Variants in CNBD1 observed in about 807,000 individuals in gnomAD.
CNBD1 encodes cyclic nucleotide-binding domain-containing protein 1.
A neutral mutation model predicts 54.4 loss-of-function variants in CNBD1; 71 were observed. That is an observed-to-expected ratio of 1.30 (90% CI 1.08 to 1.59). The LOEUF (loss-of-function observed/expected upper bound fraction) is 1.59. Among genes scored for constraint, CNBD1 ranks in the 40% most tolerant of loss-of-function variants. CNBD1 has a pLI of 0.00. For synonymous variants in CNBD1, 182 were observed against 170.7 expected (o/e 1.07, Z -0.51); for missense variants, 659 against 518.0 (o/e 1.27, Z -2.64).
chr8:87,335,776 G>A (rs760620357), intron 8 of CNBD1, among the ~76,000 whole-genome samples: 6 of 152,166 alleles, frequency 3.9e-5, no homozygotes, highest in African/African-American at 1.4e-4. Flanking sequence ...TTGCACACTA[G>A]TAGATGCAGT....
At chr8:87,040,833 A>G (rs1198963243) in intron 4 of CNBD1, among the ~76,000 whole-genome samples, 2 of 151,382 alleles carry the variant, frequency 1.3e-5, no homozygotes, top group South Asian at 2.1e-4. Flanking sequence ...AATAATAAAT[A>G]TAATAAAGCT....
chr8:87,414,817 T>C (rs1807810184), intron 2 of CNBD1, among the ~76,000 whole-genome samples: 1 of 152,090 alleles, frequency 6.6e-6, no homozygotes, highest in Admixed American at 6.6e-5. Flanking sequence ...GTATACATTA[T>C]TTTTTATGCT....
intron 3 of CNBD1, among the ~76,000 whole-genome samples, chr8:86,932,551 G>C (rs1189228771): frequency 6.6e-6 from 1 of 152,154 alleles, no homozygotes; most frequent in Non-Finnish European, 1.5e-5. Flanking sequence ...TTCAATGAAA[G>C]GAAAGCTTGG....
At chr8:87,134,043 G>A (rs925807240) in intron 4 of CNBD1, among the ~76,000 whole-genome samples, 1 of 152,092 alleles carries the variant, frequency 6.6e-6, no homozygotes, top group Non-Finnish European at 1.5e-5. Context: ...TACAGTGTTT[G>A]AATTCGAAAC....
chr8:87,105,398 G>C (rs1381745810), intron 4 of CNBD1, among the ~76,000 whole-genome samples: 1 of 152,178 alleles, frequency 6.6e-6, no homozygotes, highest in African/African-American at 2.4e-5. Flanking sequence ...ATGGAAATGT[G>C]TTGGGATAAT....
At chr8:87,318,212 T>G (rs1031394289) in intron 8 of CNBD1, among the ~76,000 whole-genome samples, 1 of 152,106 alleles carries the variant, frequency 6.6e-6, no homozygotes, top group Admixed American at 6.6e-5. Flanking sequence ...AATTTTTCTC[T>G]TTATTATAGA....
At chr8:87,214,817 GACTT>G (rs1814173948) in intron 5 of CNBD1, among the ~76,000 whole-genome samples, 1 of 152,098 alleles carries the variant, frequency 6.6e-6, no homozygotes, top group Non-Finnish European at 1.5e-5. Flanking sequence ...GCTCTTGTGA[GACTT>G]ACTGCCATGA....
intron 4 of CNBD1, among the ~76,000 whole-genome samples, chr8:86,973,213 C>T (rs1367030662): frequency 6.6e-6 from 1 of 152,106 alleles, no homozygotes; most frequent in Non-Finnish European, 1.5e-5. Flanking sequence ...ATTTCATGTG[C>T]CTGTGCTAAT....
chr8:86,889,532 GTT>G (rs1808734018), intron 2 of CNBD1, among the ~76,000 whole-genome samples: 1 of 151,912 alleles, frequency 6.6e-6, no homozygotes, highest in Non-Finnish European at 1.5e-5. Flanking sequence ...ATGATTCAAG[GTT>G]TTAAATTTTT....
chr8:87,218,248 G>A (rs1040890837), intron 5 of CNBD1, among the ~76,000 whole-genome samples: 13 of 151,974 alleles, frequency 8.6e-5, no homozygotes, highest in Admixed American at 3.3e-4. Context: ...ATAGTTGATA[G>A]GTGAATCTAT....
chr8:87,323,541 G>A (rs2130902272), intron 8 of CNBD1, among the ~76,000 whole-genome samples: 1 of 120,974 alleles, frequency 8.3e-6, no homozygotes, highest in South Asian at 2.4e-4. Context: ...TGGATTCCTA[G>A]GTATTTTATT....
At chr8:87,384,960 T>A (rs1811153559), downstream of CNBD1, among the ~76,000 whole-genome samples, 1 of 152,168 alleles carries the variant, frequency 6.6e-6, no homozygotes, top group Admixed American at 6.6e-5. Flanking sequence ...AGAAACTTGG[T>A]AAGGACTTTA....
intron 4 of CNBD1, among the ~76,000 whole-genome samples, chr8:87,052,329 C>T (rs1329059076): frequency 1.3e-5 from 2 of 152,164 alleles, no homozygotes; most frequent in African/African-American, 4.8e-5. Context: ...ATATTAACTG[C>T]CCCTCAATTG....
chr8:87,061,699 A>G (rs1810551472), intron 4 of CNBD1, among the ~76,000 whole-genome samples: 1 of 152,208 alleles, frequency 6.6e-6, no homozygotes, highest in African/African-American at 2.4e-5. Context: ...TGTATGTTCC[A>G]ATCAAGGACA....
At chr8:86,997,794 A>G (rs1010904694) in intron 4 of CNBD1, among the ~76,000 whole-genome samples, 1 of 152,088 alleles carries the variant, frequency 6.6e-6, no homozygotes, top group Non-Finnish European at 1.5e-5. Context: ...AATTTCCTTC[A>G]GACCCAGCGG....
intron 4 of CNBD1, among the ~76,000 whole-genome samples, chr8:87,041,381 A>C (rs1015147341): frequency 3.3e-5 from 5 of 152,316 alleles, no homozygotes. Flanking sequence ...AGTCTCAGGC[A>C]GAAACTAGGT....
At chr8:87,146,231 A>T (rs1812484715) in intron 4 of CNBD1, among the ~76,000 whole-genome samples, 1 of 152,136 alleles carries the variant, frequency 6.6e-6, no homozygotes, top group Admixed American at 6.5e-5. Flanking sequence ...TTACTCTCCT[A>T]AAATTATAAT....
chr8:87,217,894 T>C (rs1440996170), intron 5 of CNBD1, among the ~76,000 whole-genome samples: 4 of 152,104 alleles, frequency 2.6e-5, no homozygotes, highest in African/African-American at 9.7e-5. Context: ...TTAAACAAAT[T>C]TTAAAAGACC....
intron 8 of CNBD1, among the ~76,000 whole-genome samples, chr8:87,309,331 T>C (rs1276705913): frequency 6.6e-6 from 1 of 152,180 alleles, no homozygotes; most frequent in East Asian, 1.9e-4. Flanking sequence ...TGCTTCTCCA[T>C]GCCACTGTAT....
Sources: allele counts gnomAD v4.1 joint callset (sites outside exome capture counted in the v4.1 genomes callset), GRCh38; gene constraint gnomAD v4.1.1; transcripts MANE v1.5; gene names NCBI Gene and HGNC (gene_info 2026-07-23, HGNC 2026-07-21).